ADGRE3: variants seen among roughly 807,000 people sequenced by gnomAD.
ADGRE3 encodes adhesion G protein-coupled receptor E3.
ADGRE3 carries 88 observed loss-of-function variants against 80.1 expected under a neutral mutation model. The observed-to-expected ratio is 1.10, with a 90% CI of 0.93 to 1.31. The LOEUF (loss-of-function observed/expected upper bound fraction) is 1.31, where lower values mean the gene tolerates loss of function less well. ADGRE3 is among the 40% of genes most tolerant of loss of function. The pLI, the probability that ADGRE3 is intolerant of heterozygous loss-of-function variation, is 0.00. For synonymous variants in ADGRE3, 281 were observed against 294.8 expected (o/e 0.95, Z 0.48); for missense variants, 715 against 776.5 (o/e 0.92, Z 0.94).
intron 2 of ADGRE3, among the ~76,000 whole-genome samples, chr19:14,667,692 G>T (rs937106282): frequency 2.0e-5 from 3 of 151,964 alleles, no homozygotes; most frequent in Non-Finnish European, 4.4e-5. Context: ...GGTGGGGGGC[G>T]TGGGGAGGGA....
chr19:14,602,848 G>A, the ADGRE3 span, among the ~76,000 whole-genome samples: 345 of 151,860 alleles, frequency 2.3e-3, 2 homozygotes, highest in Non-Finnish European at 3.6e-3. Context: ...TGATTCTCCC[G>A]CCTCAACCTC....
At chr19:14,662,420 C>T (rs971283744) in intron 3 of ADGRE3, among the ~76,000 whole-genome samples, 4 of 152,182 alleles carry the variant, frequency 2.6e-5, no homozygotes, top group African/African-American at 7.2e-5. Flanking sequence ...GAGTCTTGCT[C>T]TGTCATCCAT....
chr19:14,640,926 G>A (rs537333418), intron 10 of ADGRE3, among the ~76,000 whole-genome samples: 2 of 152,252 alleles, frequency 1.3e-5, no homozygotes, highest in East Asian at 3.9e-4. Flanking sequence ...CCCCTGCCAT[G>A]TGGAACTGCA....
At chr19:14,602,818 C>T in the ADGRE3 span, among the ~76,000 whole-genome samples, 1 of 152,012 alleles carries the variant, frequency 6.6e-6, no homozygotes, top group Non-Finnish European at 1.5e-5. Context: ...TCACTGCAAC[C>T]TCTGCCTCCC....
chr19:14,647,446 CTT>C (rs1971445554), intron 7 of ADGRE3, 81 bp from the exon 8 acceptor site: 1 of 1,144,900 alleles, frequency 8.7e-7, no homozygotes, highest in Admixed American at 3.1e-5. Context: ...GAGTCTCGCT[CTT>C]GTCGCCCAGC....
chr19:14,630,393 C>CTTATTTTATTTTATTTTATTTTATT (rs55760456), intron 13 of ADGRE3, among the ~76,000 whole-genome samples, 186 bp from the exon 14 acceptor site: 11 of 148,496 alleles, frequency 7.4e-5, no homozygotes, highest in African/African-American at 2.8e-4. Flanking sequence ...GCTCCCTCAT[C>CTTATTTTATTTTATTTTATTTTATT]TTATTTTATT....
downstream of ADGRE3, among the ~76,000 whole-genome samples, chr19:14,618,493 G>A (rs1388735205): frequency 1.3e-5 from 2 of 152,026 alleles, no homozygotes; most frequent in African/African-American, 4.8e-5. Flanking sequence ...GGTAGAGGTT[G>A]CAGTGAGCCT....
In ADGRE3 at chr19:14,655,049, C is replaced by A; in HGVS notation, c.510G>T (p.Ser170=). Residue 170 remains serine, a synonymous_variant, in exon 6 of 16, where the codon TCG becomes TCT. Coordinates refer to ENST00000253673, the MANE Select transcript of ADGRE3 (RefSeq NM_032571.5). ...TATTILRDVE[S]KVLETALKDP... ...CTTTCAAGGCAGTTTCTAGAACTTT[C>A]GATTCCACATCCCGGAGAATAGTGG... 1 of 1,614,032 alleles carries A rather than the reference C, an allele frequency of 6.2e-7. No individual in the cohort carries two copies. The highest frequency in any genetic ancestry group is 8.5e-7 in the Non-Finnish European group (1 of 1,179,988).
chr19:14,661,313 G>A (rs1214560948), intron 4 of ADGRE3, among the ~76,000 whole-genome samples: 1 of 152,202 alleles, frequency 6.6e-6, no homozygotes, highest in Non-Finnish European at 1.5e-5. Context: ...GAAGGAAGGA[G>A]CAGATCCAAA....
chr19:14,605,042 T>C, the ADGRE3 span, among the ~76,000 whole-genome samples: 5 of 150,094 alleles, frequency 3.3e-5, no homozygotes, highest in Admixed American at 2.6e-4. Context: ...AGTCAAAAAG[T>C]CTAAAATGGG....
downstream of ADGRE3, among the ~76,000 whole-genome samples, chr19:14,617,341 C>CCTCTCTTTCTTTCTTTCTTTCTTT: frequency 1.7e-5 from 1 of 57,168 alleles, no homozygotes; most frequent in East Asian, 7.1e-4. Context: ...TCCCTCCCTC[C>CCTCTCTTTCTTTCTTTCTTTCTTT]CTTTCTTTCT....
At chr19:14,650,629 A>ATCTC (rs376333448) in intron 7 of ADGRE3, among the ~76,000 whole-genome samples, 46 of 24,842 alleles carry the variant, frequency 1.9e-3, no homozygotes, top group East Asian at 8.3e-3. Context: ...CTCTGTCTCC[A>ATCTC]TCTCTCTCTC....
At chr19:14,621,328 G>A (rs1306193543) in intron 15 of ADGRE3, among the ~76,000 whole-genome samples, 2 of 151,634 alleles carry the variant, frequency 1.3e-5, no homozygotes, top group Non-Finnish European at 2.9e-5. Flanking sequence ...GGTGGCGGGC[G>A]CATGTAATCC....
chr19:14,609,098 C>A, the ADGRE3 span, among the ~76,000 whole-genome samples: 1 of 152,158 alleles, frequency 6.6e-6, no homozygotes, highest in African/African-American at 2.4e-5. Flanking sequence ...CCGCACCTGG[C>A]GGAACATTGG....
chr19:14,617,570 G>C (rs1434772721), downstream of ADGRE3, among the ~76,000 whole-genome samples: 1 of 151,312 alleles, frequency 6.6e-6, no homozygotes, highest in Admixed American at 6.6e-5. Context: ...GCTAATATTT[G>C]CATTTTTAGT....
At chr19:14,636,323 G>A (rs1398473657) in intron 11 of ADGRE3, among the ~76,000 whole-genome samples, 5 of 148,846 alleles carry the variant, frequency 3.4e-5, no homozygotes, top group Non-Finnish European at 5.9e-5. Flanking sequence ...GGGTTCAAGC[G>A]ATTCTCCTGC....
At chr19:14,622,246 A>G (rs1484535421) in intron 15 of ADGRE3, 3 of 712,038 alleles carry the variant, frequency 4.2e-6, no homozygotes, top group Non-Finnish European at 6.7e-6. Flanking sequence ...TACTAGTATA[A>G]TTTTTAAAAT....
At chr19:14,624,756 TAAAAAAAAAAAAA>T (rs796369865) in intron 15 of ADGRE3, among the ~76,000 whole-genome samples, 1 of 132,210 alleles carries the variant, frequency 7.6e-6, no homozygotes, top group Non-Finnish European at 1.6e-5. Flanking sequence ...CCCTGTCTCT[TAAAAAAAAAAAAA>T]AAGGAAAATA....
rs1256110164 is a variant in ADGRE3, at chr19:14,621,558, C to T, written c.1921-2087G>A. 16 of 653,878 alleles carry T rather than the reference C, an allele frequency of 2.4e-5. 5 individuals carry two copies. The East Asian group carries it at 3.6e-4, about 15-fold the overall frequency. The allele number at this position is 653,878 out of a possible 1,614,324, so 40.5% of individuals were successfully genotyped here. ...TGAGTAAAACCATGGCAATATTGCC[C>T]TAAAGCTACCTAACTGTGACTATGG... is the stretch of plus-strand genomic sequence containing the variant. On this transcript the variant is annotated intron_variant, in intron 15 of 15. Coordinates refer to ENST00000253673, the MANE Select transcript of ADGRE3 (RefSeq NM_032571.5).
Sources: gnomAD v4.1 joint callset for allele counts (sites outside exome capture counted in the v4.1 genomes callset) on GRCh38, gnomAD v4.1.1 for gene constraint, MANE v1.5 for transcripts, NCBI Gene and HGNC (gene_info 2026-07-23, HGNC 2026-07-21) for gene names.